NETO1: variants seen among roughly 807,000 people sequenced by gnomAD.
NETO1 encodes neuropilin and tolloid-like protein 1.
Under a neutral mutation model 61.3 loss-of-function variants are expected in NETO1, and 26 were observed. The observed-to-expected ratio is 0.42, with a 90% CI of 0.31 to 0.59. The LOEUF (loss-of-function observed/expected upper bound fraction) is 0.59, where lower values mean the gene tolerates loss of function less well. Among genes scored for constraint, NETO1 ranks in the 20% least tolerant of loss-of-function variants. The probability of loss-of-function intolerance (pLI) is 0.12; values close to 1 mark genes in which losing one functional copy is unlikely to be tolerated. For synonymous variants in NETO1, 225 were observed against 225.8 expected, an observed-to-expected ratio of 1.00 and a Z score of 0.03; for missense variants, 531 against 662.8, an observed-to-expected ratio of 0.80 and a Z score of 2.18.
intron 7 of NETO1, among the ~76,000 whole-genome samples, chr18:72,759,413 T>C (rs1395538889): frequency 6.6e-6 from 1 of 152,234 alleles, no homozygotes; most frequent in Admixed American, 6.5e-5. Context: ...GTGACTATGC[T>C]TTTTTAAAAA....
intron 7 of NETO1, among the ~76,000 whole-genome samples, chr18:72,769,752 G>A (rs780516743): frequency 1.3e-5 from 2 of 151,960 alleles, no homozygotes; most frequent in Admixed American, 6.6e-5. Context: ...ACACGTGTTC[G>A]CTACTTGCTT....
intron 4 of NETO1, among the ~76,000 whole-genome samples, chr18:72,826,785 A>T (rs2145350198): frequency 6.6e-6 from 1 of 152,296 alleles, no homozygotes; most frequent in Non-Finnish European, 1.5e-5. Flanking sequence ...ACTGTCTGAC[A>T]GGAATAGAAT....
chr18:72,787,628 T>G (rs1413409075), intron 6 of NETO1, among the ~76,000 whole-genome samples: 1 of 152,228 alleles, frequency 6.6e-6, no homozygotes, highest in Non-Finnish European at 1.5e-5. Context: ...AATGCATTAT[T>G]TCATATCTCT....
chr18:72,856,202 T>C (rs1018041823), intron 4 of NETO1, among the ~76,000 whole-genome samples: 2 of 151,316 alleles, frequency 1.3e-5, no homozygotes, highest in Non-Finnish European at 2.9e-5. Context: ...ATTAAAATAA[T>C]AGGGACCACC....
chr18:72,779,456 T>A (rs1055501037), intron 7 of NETO1, among the ~76,000 whole-genome samples: 7 of 152,102 alleles, frequency 4.6e-5, no homozygotes, highest in Non-Finnish European at 8.8e-5. Context: ...CAGCCACTAA[T>A]ATTGAATAAA....
intron 4 of NETO1, among the ~76,000 whole-genome samples, chr18:72,846,811 T>A (rs2074104760): frequency 1.3e-5 from 2 of 152,322 alleles, no homozygotes. Context: ...TTTATGCCCA[T>A]GGAAATTCTC....
intron 4 of NETO1, among the ~76,000 whole-genome samples, chr18:72,846,043 C>CTAT (rs763715080): frequency 2.2e-4 from 34 of 152,050 alleles, no homozygotes; most frequent in Non-Finnish European, 4.0e-4. Flanking sequence ...GCTGAAGGCT[C>CTAT]ATAAACAGTT....
At chr18:72,818,633 A>T (rs192793011) in intron 4 of NETO1, among the ~76,000 whole-genome samples, 11 of 152,326 alleles carry the variant, frequency 7.2e-5, no homozygotes, top group African/African-American at 2.2e-4. Context: ...AAAGTCAAGC[A>T]CGAGACATTT....
At chr18:72,844,451 CT>C (rs2074025303) in intron 4 of NETO1, among the ~76,000 whole-genome samples, 1 of 152,222 alleles carries the variant, frequency 6.6e-6, no homozygotes, top group South Asian at 2.1e-4. Flanking sequence ...ACTTCCCACA[CT>C]TTCTAAAATT....
chr18:72,863,455 ATTG>A (rs1328312178), intron 3 of NETO1, among the ~76,000 whole-genome samples: 1 of 152,182 alleles, frequency 6.6e-6, no homozygotes, highest in Non-Finnish European at 1.5e-5. Flanking sequence ...CCCAGAGAAT[ATTG>A]TTAAGTCCTA....
intron 7 of NETO1, among the ~76,000 whole-genome samples, chr18:72,778,365 A>T (rs1321927815): frequency 6.6e-6 from 1 of 152,206 alleles, no homozygotes; most frequent in Non-Finnish European, 1.5e-5. Flanking sequence ...TTACAATATG[A>T]ATAGGCTGAG....
At chr18:72,867,196 T>C (rs2145713609) in intron 1 of NETO1, 68 bp downstream of exon 1, 1 of 1,258,522 alleles carries the variant, frequency 7.9e-7, no homozygotes, top group Non-Finnish European at 1.1e-6. Context: ...TCCTGCGCGT[T>C]CGGCCCCGGG....
intron 7 of NETO1, among the ~76,000 whole-genome samples, chr18:72,767,619 A>G (rs532614336): frequency 6.6e-6 from 1 of 152,198 alleles, no homozygotes; most frequent in Non-Finnish European, 1.5e-5. Flanking sequence ...AAGTAACCAT[A>G]TCAGTAATAA....
At chr18:72,753,108 A>G (rs1489069052) in intron 8 of NETO1, among the ~76,000 whole-genome samples, 2 of 152,158 alleles carry the variant, frequency 1.3e-5, no homozygotes, top group South Asian at 2.1e-4. Context: ...AACAACAACA[A>G]AAAACTAGAG....
At chr18:72,810,845 T>C (rs1019203351) in intron 4 of NETO1, among the ~76,000 whole-genome samples, 2 of 152,170 alleles carry the variant, frequency 1.3e-5, no homozygotes, top group South Asian at 2.1e-4. Flanking sequence ...ATTTTTTAGG[T>C]TCGGTGATGT....
At chr18:72,748,957 G>T in intron 10 of NETO1, 57 bp downstream of exon 10, 2 of 1,068,110 alleles carry the variant, frequency 1.9e-6, no homozygotes, top group Non-Finnish European at 2.9e-6. Flanking sequence ...CTACAAGACA[G>T]TTGCAACAAA....
chr18:72,784,964 A>G (rs1377467203), intron 6 of NETO1, among the ~76,000 whole-genome samples: 2 of 152,216 alleles, frequency 1.3e-5, no homozygotes, highest in African/African-American at 4.8e-5. Context: ...ATACAATGTC[A>G]AAGAGTGGAA....
chr18:72,832,546 C>A (rs1182797207), intron 4 of NETO1, among the ~76,000 whole-genome samples: 1 of 152,118 alleles, frequency 6.6e-6, no homozygotes, highest in East Asian at 1.9e-4. Flanking sequence ...CCATACATTG[C>A]AATAAGCAGA....
chr18:72,850,420 G>C (rs2074214246), intron 4 of NETO1, among the ~76,000 whole-genome samples: 2 of 152,070 alleles, frequency 1.3e-5, no homozygotes, highest in Non-Finnish European at 2.9e-5. Flanking sequence ...TTTTGGTCTA[G>C]ACAAAGAACA....
Sources: allele counts gnomAD v4.1 joint callset (sites outside exome capture counted in the v4.1 genomes callset), GRCh38; gene constraint gnomAD v4.1.1; transcripts MANE v1.5; gene names NCBI Gene and HGNC (gene_info 2026-07-23, HGNC 2026-07-21).